TAB2: variants seen among roughly 807,000 people sequenced by gnomAD.
TAB2 encodes the protein TGF-beta activated kinase 1 (MAP3K7) binding protein 2.
Under a neutral mutation model 65.0 loss-of-function variants are expected in TAB2, and 3 were observed. The observed-to-expected ratio is 0.05, with a 90% CI of 0.02 to 0.12. The LOEUF (loss-of-function observed/expected upper bound fraction) is 0.12, where lower values mean the gene tolerates loss of function less well. TAB2 is among the 10% of genes least tolerant of loss of function. The pLI, the probability that TAB2 is intolerant of heterozygous loss-of-function variation, is 1.00. For missense variants in TAB2, 623 were observed against 840.3 expected (o/e 0.74, Z 3.20); for synonymous variants, 298 against 285.1 (o/e 1.05, Z -0.46).
In TAB2 at chr6:149,345,346, G is replaced by C. The variant is rs111897666; in HGVS notation, c.-89-24563G>C. 4.4e-3 allele frequency among the ~76,000 whole-genome samples: 665 copies of C among 152,102 alleles called. 1 individual carries two copies. The highest frequency in any genetic ancestry group is 0.01 in the Middle Eastern group (3 of 294). On this transcript the variant is annotated intron_variant, in intron 1 of 6. Coordinates refer to ENST00000637181, the MANE Select transcript of TAB2 (RefSeq NM_001292034.3). Reference sequence around the variant, plus strand: ...TCATCTATCAAGCATCCTGATAATTGGTCAGTGCTGCAGCTGTAAACTGCA... The same window carrying C: ...TCATCTATCAAGCATCCTGATAATTCGTCAGTGCTGCAGCTGTAAACTGCA...
At chr6:149,376,974 CAG>C (rs1366027130) in intron 2 of TAB2, among the ~76,000 whole-genome samples, 3 of 150,090 alleles carry the variant, frequency 2.0e-5, no homozygotes, top group Admixed American at 6.6e-5. Flanking sequence ...CTTGAGCCTC[CAG>C]AGAGAGAGGG....
chr6:149,289,351 GC>G (rs1164299753), intron 1 of TAB2, among the ~76,000 whole-genome samples: 2 of 151,424 alleles, frequency 1.3e-5, no homozygotes, highest in Non-Finnish European at 2.9e-5. Flanking sequence ...CTATGTTCAT[GC>G]CACTGCACTC....
chr6:149,365,487 A>G (rs1420113362), intron 1 of TAB2, among the ~76,000 whole-genome samples: 1 of 151,846 alleles, frequency 6.6e-6, no homozygotes, highest in African/African-American at 2.4e-5. Context: ...TGATGCCTCC[A>G]TTGTTTCTGA....
At chr6:149,233,827 T>G (rs975407417) in intron 1 of TAB2, among the ~76,000 whole-genome samples, 2 of 152,226 alleles carry the variant, frequency 1.3e-5, no homozygotes, top group African/African-American at 2.4e-5. Flanking sequence ...CAACCTAATA[T>G]ATCCAATGCT....
chr6:149,300,089 G>T (rs969282724), intron 1 of TAB2, among the ~76,000 whole-genome samples: 2 of 152,070 alleles, frequency 1.3e-5, no homozygotes, highest in African/African-American at 4.8e-5. Context: ...TATTTTTGAA[G>T]AATTTTTGTC....
chr6:149,380,920 C>A (rs941382013), intron 3 of TAB2, among the ~76,000 whole-genome samples: 3 of 152,096 alleles, frequency 2.0e-5, no homozygotes, highest in African/African-American at 7.2e-5. Flanking sequence ...GGGTTGTGGT[C>A]CTTTCGAATT....
chr6:149,352,648 C>G (rs1318920182), intron 1 of TAB2, among the ~76,000 whole-genome samples: 1 of 152,154 alleles, frequency 6.6e-6, no homozygotes, highest in Non-Finnish European at 1.5e-5. Context: ...AGTCCCTTCC[C>G]TGCCTTTCAT....
chr6:149,410,682 C>CTA lies in TAB2; in HGVS notation c.*963_*964insTA, dbSNP rs1205618469. On this transcript the variant is annotated 3_prime_UTR_variant, in exon 7 of 7. Coordinates refer to ENST00000637181, the MANE Select transcript of TAB2 (RefSeq NM_001292034.3). ...TATTACAGAAGTGATGTCTGTAGGT[C>CTA]ACATTAAATACTGACTTGAGCAGTG... 2 of 152,616 alleles carry CTA rather than the reference C, an allele frequency of 1.3e-5. No individual in the cohort carries two copies. Among genetic ancestry groups the CTA allele is most frequent in the Non-Finnish European group, 2.9e-5 (2 of 68,042 alleles). The allele number at this position is 152,616 out of a possible 1,614,324, so 9.5% of individuals were successfully genotyped here. A position where few individuals can be genotyped will look rare whatever the true frequency, so the allele number is the denominator to read the frequency against.
chr6:149,404,889 G>C (rs998550581), intron 6 of TAB2, among the ~76,000 whole-genome samples: 6 of 152,124 alleles, frequency 3.9e-5, no homozygotes, highest in African/African-American at 1.4e-4. Flanking sequence ...AAAAGCACAG[G>C]TAACAAAAGC....
intron 1 of TAB2, among the ~76,000 whole-genome samples, chr6:149,348,841 C>T (rs1011211461): frequency 6.6e-6 from 1 of 151,766 alleles, no homozygotes; most frequent in African/African-American, 2.4e-5. Context: ...TGGCAGGCAC[C>T]TGTAATCCCA....
intron 1 of TAB2, among the ~76,000 whole-genome samples, chr6:149,369,095 G>T (rs573003722): frequency 2.0e-5 from 3 of 152,112 alleles, no homozygotes; most frequent in Non-Finnish European, 4.4e-5. Context: ...CTAATGAAAG[G>T]TATTTTCAAA....
intron 1 of TAB2, among the ~76,000 whole-genome samples, chr6:149,262,324 G>A (rs1205959662): frequency 6.6e-6 from 1 of 152,194 alleles, no homozygotes; most frequent in East Asian, 1.9e-4. Context: ...CTTGAGATCA[G>A]GAGTTTGAGA....
intron 3 of TAB2, among the ~76,000 whole-genome samples, chr6:149,391,741 G>A (rs991170722): frequency 3.3e-5 from 5 of 151,762 alleles, no homozygotes; most frequent in African/African-American, 9.7e-5. Flanking sequence ...CAGCATCTCC[G>A]TTTGTTGCCC....
chr6:149,312,821 G>A (rs1236083712), upstream of TAB2, among the ~76,000 whole-genome samples: 2 of 152,284 alleles, frequency 1.3e-5, no homozygotes, highest in African/African-American at 4.8e-5. Context: ...GCTGAATTGT[G>A]ATAATTAACA....
intron 1 of TAB2, among the ~76,000 whole-genome samples, chr6:149,241,340 TC>T (rs1389596836): frequency 6.6e-6 from 1 of 152,354 alleles, no homozygotes; most frequent in Non-Finnish European, 1.5e-5. Context: ...TTTGTTGTTT[TC>T]TAATAGTGGC....
intron 1 of TAB2, among the ~76,000 whole-genome samples, chr6:149,238,058 T>C (rs1777532914): frequency 6.6e-6 from 1 of 152,190 alleles, no homozygotes; most frequent in Non-Finnish European, 1.5e-5. Context: ...CACCTACTTA[T>C]GTTTGCCTGG....
At chr6:149,225,749 A>G (rs12215601) in intron 1 of TAB2, among the ~76,000 whole-genome samples, 9,269 of 152,166 alleles carry the variant, frequency 0.061, 462 homozygotes, top group South Asian at 0.14. Flanking sequence ...AAAAGCAGCC[A>G]TTCTTCCTGC....
At chr6:149,394,930 A>G (rs892710414) in intron 3 of TAB2, among the ~76,000 whole-genome samples, 1 of 152,254 alleles carries the variant, frequency 6.6e-6, no homozygotes, top group African/African-American at 2.4e-5. Context: ...TAAAATGGAA[A>G]CAGCCATAGA....
intron 1 of TAB2, among the ~76,000 whole-genome samples, chr6:149,233,321 G>A (rs968704643): frequency 6.6e-6 from 1 of 152,118 alleles, no homozygotes; most frequent in African/African-American, 2.4e-5. Context: ...CTTCTCCACT[G>A]AGACGCCTCT....
Sources: gnomAD v4.1 joint callset for allele counts (sites outside exome capture counted in the v4.1 genomes callset) on GRCh38, gnomAD v4.1.1 for gene constraint, MANE v1.5 for transcripts, NCBI Gene and HGNC (gene_info 2026-07-23, HGNC 2026-07-21) for gene names.